Variants in THSD4 observed in about 807,000 individuals in gnomAD.
THSD4 encodes thrombospondin type 1 domain containing 4.
In THSD4, 69 loss-of-function variants were observed where a neutral mutation model predicts 119.0. That is an observed-to-expected ratio of 0.58 (90% confidence interval 0.48 to 0.71). The LOEUF is 0.71. THSD4 is among the 30% of genes least tolerant of loss of function. The probability of loss-of-function intolerance (pLI) is 0.00; values close to 1 mark genes in which losing one functional copy is unlikely to be tolerated. For synonymous variants in THSD4, 524 were observed against 540.4 expected, an observed-to-expected ratio of 0.97 and a Z score of 0.42; for missense variants, 1,393 against 1,391.1, an observed-to-expected ratio of 1.00 and a Z score of -0.02.
chr15:71,679,515 T>C (rs1484226492), intron 8 of THSD4, among the ~76,000 whole-genome samples: 1 of 152,212 alleles, frequency 6.6e-6, no homozygotes. Context: ...ACCCTTGTTT[T>C]GGTGGATGGA....
Position 71,777,615 on chromosome 15 carries a change from C to G in THSD4, c.*241C>G. Reference sequence around the variant, plus strand: ...ATGTACTGATGATCCCCTCCTTGGACCTGGCATCTGCTAATGGTGCCCTTT... The same window carrying G: ...ATGTACTGATGATCCCCTCCTTGGAGCTGGCATCTGCTAATGGTGCCCTTT... On this transcript the variant is annotated 3_prime_UTR_variant, in exon 18 of 18. Transcript: ENST00000261862. 2 of 544,760 alleles carry G rather than the reference C, an allele frequency of 3.7e-6. No homozygotes were observed. The highest frequency in any genetic ancestry group is 6.6e-6 in the Non-Finnish European group (2 of 305,144). The allele number at this position is 544,760 out of a possible 1,614,324, so 33.7% of individuals were successfully genotyped here.
intron 10 of THSD4, among the ~76,000 whole-genome samples, chr15:71,736,581 CTG>C (rs10558295): frequency 0.047 from 7,173 of 151,878 alleles, 554 homozygotes; most frequent in African/African-American, 0.16. Context: ...CTCTGTTTCT[CTG>C]TCTCTCTTGC....
rs569444395 is a variant in THSD4 at position 71,154,956 on chromosome 15, TTTC to T, written c.99+29_99+31del. The stretch of plus-strand genomic sequence containing the variant: ...AGGTAAGCCATGGCCATCCAGAGGT[TTTC>T]TTCTCTGCCCAAGGGGCTAGGGCCA... On this transcript the variant is annotated intron_variant, in intron 3 of 17. Coordinates refer to ENST00000261862, the MANE Select transcript of THSD4 (RefSeq NM_024817.3). 1.8e-4 allele frequency: 283 copies of T among 1,613,062 alleles called. 1 individual carries two copies. The African/African-American group carries it at 3.6e-3, about 21-fold the overall frequency.
chr15:71,451,790 G>T (rs1282727242), intron 7 of THSD4, among the ~76,000 whole-genome samples: 2 of 152,134 alleles, frequency 1.3e-5, no homozygotes, highest in Non-Finnish European at 1.5e-5. Flanking sequence ...CTCCTGGGTA[G>T]GTCAGGGTGG....
rs74342881 is a variant in THSD4, at chr15:71,574,310, A to G, written c.1153-86220A>G. ...TTTTGAACCTTGCAACAACCCTGGT[A>G]GATATTATTGTCATCCCCTTTTGCT... is the stretch of plus-strand genomic sequence containing the variant. On this transcript the variant is annotated intron_variant, in intron 7 of 17. Transcript: ENST00000261862. Among the ~76,000 whole-genome samples, 116 of 152,336 alleles carry G rather than the reference A, an allele frequency of 7.6e-4. 1 individual carries two copies. Among genetic ancestry groups the G allele is most frequent in the South Asian group, 3.9e-3 (19 of 4,828 alleles).
chr15:71,475,139 C>T (rs1294357021), intron 7 of THSD4, among the ~76,000 whole-genome samples: 1 of 152,194 alleles, frequency 6.6e-6, no homozygotes, highest in African/African-American at 2.4e-5. Flanking sequence ...TAACCTATAA[C>T]TTTACTAATA....
At chr15:71,700,658 T>C (rs981568076) in intron 8 of THSD4, among the ~76,000 whole-genome samples, 2 of 151,964 alleles carry the variant, frequency 1.3e-5, no homozygotes, top group Non-Finnish European at 1.5e-5. Context: ...CTACAAGATA[T>C]GAAAATTTTA....
intron 8 of THSD4, among the ~76,000 whole-genome samples, chr15:71,720,962 G>A (rs148651557): frequency 2.5e-4 from 38 of 152,328 alleles, no homozygotes; most frequent in African/African-American, 8.4e-4. Flanking sequence ...ATTTCTCAAA[G>A]AAGGAAACAA....
At chr15:71,561,548 C>T (rs1408342876) in intron 7 of THSD4, among the ~76,000 whole-genome samples, 1 of 152,024 alleles carries the variant, frequency 6.6e-6, no homozygotes, top group Non-Finnish European at 1.5e-5. Flanking sequence ...GGGGTGAGGG[C>T]ATCACCCATG....
intron 7 of THSD4, among the ~76,000 whole-genome samples, chr15:71,616,945 G>A (rs1319534843): frequency 6.6e-6 from 1 of 152,244 alleles, no homozygotes; most frequent in African/African-American, 2.4e-5. Flanking sequence ...ACTGCTCACA[G>A]TAACCCATGC....
chr15:71,373,795 G>A (rs1244312791), intron 6 of THSD4, among the ~76,000 whole-genome samples: 2 of 152,178 alleles, frequency 1.3e-5, no homozygotes, highest in Non-Finnish European at 2.9e-5. Flanking sequence ...CATCCTGAAG[G>A]TCACAGGCAG....
At chr15:71,127,330 A>G (rs900070835) in intron 1 of THSD4, among the ~76,000 whole-genome samples, 2 of 152,206 alleles carry the variant, frequency 1.3e-5, no homozygotes, top group African/African-American at 2.4e-5. Flanking sequence ...GGACACATAG[A>G]TTGATTCCAT....
At chr15:71,700,376 A>G (rs373564701) in intron 8 of THSD4, among the ~76,000 whole-genome samples, 7 of 152,152 alleles carry the variant, frequency 4.6e-5, no homozygotes, top group East Asian at 3.8e-4. Flanking sequence ...AAATGAAACA[A>G]TAAATGTACA....
intron 7 of THSD4, among the ~76,000 whole-genome samples, chr15:71,500,075 C>T (rs1384568527): frequency 3.9e-5 from 6 of 152,280 alleles, no homozygotes; most frequent in East Asian, 3.9e-4. Flanking sequence ...ACCATTGCAG[C>T]TGCACCATTT....
intron 7 of THSD4, among the ~76,000 whole-genome samples, chr15:71,583,187 A>G (rs1293018934): frequency 6.6e-6 from 1 of 152,044 alleles, no homozygotes; most frequent in African/African-American, 2.4e-5. Flanking sequence ...CTTCCAAGTT[A>G]TTCACCTTTT....
intron 7 of THSD4, among the ~76,000 whole-genome samples, chr15:71,563,472 C>T (rs151316680): frequency 3.9e-5 from 6 of 152,284 alleles, no homozygotes; most frequent in South Asian, 4.1e-4. Context: ...CAGGTAAAGG[C>T]GGCCCTCTAA....
chr15:71,171,395 A>G (rs2043361685), intron 3 of THSD4, among the ~76,000 whole-genome samples: 1 of 152,200 alleles, frequency 6.6e-6, no homozygotes, highest in African/African-American at 2.4e-5. Flanking sequence ...GTACTAAAAG[A>G]ATAAAATTGT....
chr15:71,467,798 T>C (rs1240651098), intron 7 of THSD4, among the ~76,000 whole-genome samples: 1 of 151,950 alleles, frequency 6.6e-6, no homozygotes, highest in Non-Finnish European at 1.5e-5. Context: ...GGCGGGTCTT[T>C]CTCATGCTGT....
intron 7 of THSD4, among the ~76,000 whole-genome samples, chr15:71,459,904 T>C (rs1395321315): frequency 1.3e-5 from 2 of 151,964 alleles, no homozygotes; most frequent in Non-Finnish European, 1.5e-5. Context: ...TTAAAGACTA[T>C]ATATTCAGTC....
Sources: gnomAD v4.1 joint callset for allele counts (sites outside exome capture counted in the v4.1 genomes callset) on GRCh38, gnomAD v4.1.1 for gene constraint, MANE v1.5 for transcripts, NCBI Gene and HGNC (gene_info 2026-07-23, HGNC 2026-07-21) for gene names.